RIMS2: variants seen among roughly 807,000 people sequenced by gnomAD.
The protein encoded by RIMS2 is regulating synaptic membrane exocytosis protein 2.
A neutral mutation model predicts 174.4 loss-of-function variants in RIMS2; 59 were observed. That is an observed-to-expected ratio of 0.34 (90% CI 0.27 to 0.42). RIMS2 has a LOEUF of 0.42. RIMS2 is among the 10% of genes least tolerant of loss of function. The pLI is 1.00. For missense variants in RIMS2, 1,620 were observed against 1,666.3 expected, an observed-to-expected ratio of 0.97 and a Z score of 0.48; for synonymous variants, 606 against 572.5, an observed-to-expected ratio of 1.06 and a Z score of -0.84.
intron 3 of RIMS2, among the ~76,000 whole-genome samples, chr8:103,822,431 T>C (rs1050572067): frequency 5.9e-5 from 9 of 151,962 alleles, no homozygotes; most frequent in East Asian, 3.9e-4. Context: ...ACTGTATGTG[T>C]CATAAGTCCC....
chr8:103,984,035 G>C (rs1250736761), intron 16 of RIMS2, among the ~76,000 whole-genome samples: 1 of 152,188 alleles, frequency 6.6e-6, no homozygotes, highest in South Asian at 2.1e-4. Flanking sequence ...AATAGCAGGC[G>C]TGGTGGCGGG....
chr8:104,106,593 T>G (rs990884474), intron 19 of RIMS2, among the ~76,000 whole-genome samples: 14 of 152,194 alleles, frequency 9.2e-5, no homozygotes, highest in Non-Finnish European at 1.8e-4. Context: ...TTTTTCCCAC[T>G]GATTATACAT....
rs372034781 is a variant in RIMS2, at chr8:103,843,269, G to T, written c.699-42029G>T. On this transcript the variant is annotated intron_variant, in intron 3 of 23. Coordinates refer to ENST00000504942, the Ensembl canonical transcript of RIMS2. Reference sequence around the variant, plus strand: ...AGTTCGTAACCCCAACAATTTCATTGTTCTTGATTTCTTTTTGGTTTTAAA... The same window carrying T: ...AGTTCGTAACCCCAACAATTTCATTTTTCTTGATTTCTTTTTGGTTTTAAA... Among the ~76,000 whole-genome samples the T allele has an allele frequency of 5.9e-5, 9 of 152,126 alleles. No individual in the cohort carries two copies. In the East Asian group the frequency reaches 7.7e-4, roughly 13 times the overall value.
chr8:103,638,484 C>A (rs146736545), intron 1 of RIMS2, among the ~76,000 whole-genome samples: 76 of 152,004 alleles, frequency 5.0e-4, no homozygotes, highest in African/African-American at 1.6e-3. Context: ...ATTTATTTAT[C>A]TATATCAGTA....
intron 19 of RIMS2, among the ~76,000 whole-genome samples, chr8:104,135,870 A>G (rs368639871): frequency 6.6e-6 from 1 of 152,198 alleles, no homozygotes; most frequent in Non-Finnish European, 1.5e-5. Flanking sequence ...GTTGAAGAAT[A>G]GAGATAACTA....
intron 15 of RIMS2, among the ~76,000 whole-genome samples, chr8:103,967,685 G>T (rs1300733312): frequency 6.6e-6 from 1 of 151,934 alleles, no homozygotes; most frequent in East Asian, 1.9e-4. Context: ...ATTAGTTTTT[G>T]CCTGACATAT....
chr8:104,211,490 T>G (rs1442445476), intron 19 of RIMS2, among the ~76,000 whole-genome samples: 1 of 152,012 alleles, frequency 6.6e-6, no homozygotes, highest in Non-Finnish European at 1.5e-5. Flanking sequence ...TTATGCTACG[T>G]GTTTGTATTT....
intron 1 of RIMS2, among the ~76,000 whole-genome samples, chr8:103,502,613 G>A (rs1820850967): frequency 6.6e-6 from 1 of 152,026 alleles, no homozygotes; most frequent in South Asian, 2.1e-4. Flanking sequence ...GAAGCTTTTT[G>A]AGCATACTTC....
intron 19 of RIMS2, among the ~76,000 whole-genome samples, chr8:104,073,340 T>C (rs2097228222): frequency 6.6e-6 from 1 of 152,214 alleles, no homozygotes; most frequent in Non-Finnish European, 1.5e-5. Context: ...TATATATTGC[T>C]ATGAAGATAC....
At chr8:104,164,646 T>G (rs1586290178) in intron 19 of RIMS2, among the ~76,000 whole-genome samples, 1 of 152,300 alleles carries the variant, frequency 6.6e-6, no homozygotes, top group African/African-American at 2.4e-5. Flanking sequence ...ATTATGTTCT[T>G]TTCAGGGATG....
At chr8:103,596,379 T>C (rs2094478525) in intron 1 of RIMS2, among the ~76,000 whole-genome samples, 1 of 151,986 alleles carries the variant, frequency 6.6e-6, no homozygotes, top group Non-Finnish European at 1.5e-5. Flanking sequence ...AAACCTTGGG[T>C]TTTTGTTTTG....
At chr8:103,788,202 T>A (rs1342891085) in intron 3 of RIMS2, among the ~76,000 whole-genome samples, 8 of 150,480 alleles carry the variant, frequency 5.3e-5, no homozygotes, top group Non-Finnish European at 1.2e-4. Context: ...TCAACTTCTT[T>A]GCCTTTGGTT....
chr8:104,193,164 A>G (rs1001622845), intron 19 of RIMS2, among the ~76,000 whole-genome samples: 1 of 151,694 alleles, frequency 6.6e-6, no homozygotes, highest in African/African-American at 2.4e-5. Context: ...CAGTGTGTGT[A>G]TGTGCTCTTG....
At chr8:103,664,892 A>T (rs1310938522) in intron 1 of RIMS2, among the ~76,000 whole-genome samples, 1 of 152,242 alleles carries the variant, frequency 6.6e-6, no homozygotes, top group African/African-American at 2.4e-5. Flanking sequence ...TCCATCACTG[A>T]TAGACTGGAT....
chr8:103,898,126 G>A (rs1416311362), intron 4 of RIMS2, among the ~76,000 whole-genome samples: 1 of 151,586 alleles, frequency 6.6e-6, no homozygotes, highest in Admixed American at 6.6e-5. Flanking sequence ...AAATTTCTCT[G>A]GTGTTACAGG....
intron 19 of RIMS2, among the ~76,000 whole-genome samples, chr8:104,056,380 G>T (rs559145560): frequency 2.6e-5 from 4 of 151,522 alleles, no homozygotes; most frequent in Admixed American, 1.3e-4. Context: ...CCCCAGCCTG[G>T]GTGACAGAGT....
intron 1 of RIMS2, among the ~76,000 whole-genome samples, chr8:103,683,466 ACTC>A (rs557655512): frequency 6.6e-6 from 1 of 152,092 alleles, no homozygotes; most frequent in South Asian, 2.1e-4. Flanking sequence ...AACCCAAACA[ACTC>A]CTAGGCCACA....
chr8:104,143,632 G>A (rs116831182), intron 19 of RIMS2, among the ~76,000 whole-genome samples: 337 of 152,292 alleles, frequency 2.2e-3, no homozygotes, highest in African/African-American at 7.7e-3. Flanking sequence ...TACCAGGAAT[G>A]CTATTGTCTT....
rs75587082 is a variant in RIMS2 at position 104,078,565 on chromosome 8, T to A, written c.3334+63950T>A. Reference sequence around the variant, plus strand: ...ACCTTAATTACCTCTTGAAAAGCTCTAGCGTCAAGTACAGTCACATTCTGA... The same window carrying A: ...ACCTTAATTACCTCTTGAAAAGCTCAAGCGTCAAGTACAGTCACATTCTGA... On this transcript the variant is annotated intron_variant, in intron 19 of 23. Coordinates refer to ENST00000504942, the Ensembl canonical transcript of RIMS2. 3.3e-4 allele frequency among the ~76,000 whole-genome samples: 51 copies of A among 152,332 alleles called. 1 individual carries two copies. The East Asian group carries it at 9.6e-3, about 29-fold the overall frequency.
Sources: allele counts gnomAD v4.1 joint callset (sites outside exome capture counted in the v4.1 genomes callset), GRCh38; gene constraint gnomAD v4.1.1; transcripts MANE v1.5; gene names NCBI Gene and HGNC (gene_info 2026-07-23, HGNC 2026-07-21).